Variants in MACROD2 observed in about 807,000 individuals in gnomAD.
MACROD2 encodes mono-ADP ribosylhydrolase 2, also known as ADP-ribose glycohydrolase MACROD2.
Under a neutral mutation model 70.4 loss-of-function variants are expected in MACROD2, and 36 were observed. That is an observed-to-expected ratio of 0.51 (90% CI 0.39 to 0.68). The LOEUF (loss-of-function observed/expected upper bound fraction) is 0.68, where lower values mean the gene tolerates loss of function less well. MACROD2 is among the 30% of genes least tolerant of loss of function. The pLI is 0.00. For synonymous variants in MACROD2, 172 were observed against 178.8 expected (o/e 0.96, Z 0.30); for missense variants, 496 against 538.4 (o/e 0.92, Z 0.78).
intron 17 of MACROD2, among the ~76,000 whole-genome samples, chr20:16,047,702 T>C (rs2067402608): frequency 6.6e-6 from 1 of 152,150 alleles, no homozygotes. Flanking sequence ...AGATGAACTG[T>C]CCTGCTCAGT....
At chr20:14,212,182 CA>C in intron 3 of MACROD2, among the ~76,000 whole-genome samples, 1 of 151,912 alleles carries the variant, frequency 6.6e-6, no homozygotes, top group Non-Finnish European at 1.5e-5. Context: ...TATTACTGTT[CA>C]AAAAATTATA....
At chr20:14,121,170 CAG>C (rs2054584347) in intron 3 of MACROD2, among the ~76,000 whole-genome samples, 1 of 152,074 alleles carries the variant, frequency 6.6e-6, no homozygotes, top group Admixed American at 6.6e-5. Flanking sequence ...ACGATTCTGT[CAG>C]GGGTGCATAG....
intron 8 of MACROD2, among the ~76,000 whole-genome samples, chr20:15,530,663 C>T (rs374354081): frequency 1.4e-5 from 2 of 143,150 alleles, no homozygotes; most frequent in Admixed American, 7.3e-5. Flanking sequence ...ACCCGGGAGC[C>T]GAGATTGCGC....
At chr20:15,675,745 A>T (rs2050048454) in intron 8 of MACROD2, among the ~76,000 whole-genome samples, 1 of 152,230 alleles carries the variant, frequency 6.6e-6, no homozygotes, top group African/African-American at 2.4e-5. Context: ...AATCAGCAGC[A>T]GCCTCAGAAG....
At chr20:14,810,310 A>C (rs1477880943) in intron 5 of MACROD2, among the ~76,000 whole-genome samples, 1 of 152,080 alleles carries the variant, frequency 6.6e-6, no homozygotes, top group Non-Finnish European at 1.5e-5. Flanking sequence ...AACGTAATCC[A>C]TCACATAAAC....
chr20:15,139,921 G>T (rs1411161650), intron 5 of MACROD2, among the ~76,000 whole-genome samples: 2 of 152,192 alleles, frequency 1.3e-5, no homozygotes, highest in Non-Finnish European at 2.9e-5. Context: ...CAGAGAGACT[G>T]CGATGCAGTT....
intron 6 of MACROD2, among the ~76,000 whole-genome samples, chr20:15,403,302 AAGG>A (rs768561397): frequency 3.4e-4 from 51 of 151,984 alleles, no homozygotes; most frequent in Non-Finnish European, 6.2e-4. Flanking sequence ...ATAAATTCAA[AAGG>A]AGAAGTGGTA....
At chr20:15,095,691 G>T (rs1364051984) in intron 5 of MACROD2, among the ~76,000 whole-genome samples, 2 of 151,584 alleles carry the variant, frequency 1.3e-5, no homozygotes, top group East Asian at 2.0e-4. Context: ...CTAATTTTTT[G>T]TATTTTTAGT....
chr20:15,835,257 T>A (rs1172452982), intron 8 of MACROD2, among the ~76,000 whole-genome samples: 1 of 62,032 alleles, frequency 1.6e-5, no homozygotes, highest in African/African-American at 7.7e-5. Flanking sequence ...ATAATAATTA[T>A]TAATTCAGTA....
chr20:15,790,360 T>C (rs1360001399), intron 8 of MACROD2, among the ~76,000 whole-genome samples: 1 of 151,958 alleles, frequency 6.6e-6, no homozygotes, highest in Non-Finnish European at 1.5e-5. Context: ...TCCCCGCCAT[T>C]AAAATTATTC....
At chr20:14,491,773 A>C (rs1325570857) in intron 3 of MACROD2, among the ~76,000 whole-genome samples, 1 of 152,206 alleles carries the variant, frequency 6.6e-6, no homozygotes, top group African/African-American at 2.4e-5. Flanking sequence ...GCTCCTATTT[A>C]TTATTGTTGT....
In MACROD2 at chr20:14,300,845, A is replaced by C. The variant is rs148114780; in HGVS notation, c.272-192634A>C. The stretch of plus-strand genomic sequence containing the variant: ...GGGGCAAGCAGAGGAAATAGTTGAA[A>C]GTTTGTAGTGAGCCATCATTGTCAC... On this transcript the variant is annotated intron_variant, in intron 3 of 17. Coordinates refer to ENST00000684519, the MANE Select transcript of MACROD2 (RefSeq NM_001351661.2). Among the ~76,000 whole-genome samples the C allele has an allele frequency of 3.2e-4, 47 of 147,178 alleles. No individual in the cohort carries two copies. The East Asian group carries it at 3.5e-3, about 11-fold the overall frequency.
intron 8 of MACROD2, among the ~76,000 whole-genome samples, chr20:15,821,009 CAT>C (rs1442047130): frequency 3.3e-5 from 5 of 152,174 alleles, no homozygotes; most frequent in Non-Finnish European, 7.3e-5. Context: ...CCTCTCCAGA[CAT>C]GTGTGCCATC....
rs144210649 is a variant in MACROD2 at position 14,824,955 on chromosome 20, G to A, written c.418+139996G>A. Among the ~76,000 whole-genome samples the A allele has an allele frequency of 9.2e-5, 14 of 152,072 alleles. 2 individuals carry two copies. The highest frequency in any genetic ancestry group is 2.1e-4 in the Non-Finnish European group (14 of 68,004). The stretch of plus-strand genomic sequence containing the variant: ...CCATTTTCCATTTAAGATAAATGAG[G>A]TTCAAAATGTTTTAAATGACCTGCA... On this transcript the variant is annotated intron_variant, in intron 5 of 17. Coordinates refer to ENST00000684519, the MANE Select transcript of MACROD2 (RefSeq NM_001351661.2).
At chr20:14,246,698 A>G (rs959637983) in intron 3 of MACROD2, among the ~76,000 whole-genome samples, 1 of 152,182 alleles carries the variant, frequency 6.6e-6, no homozygotes, top group East Asian at 1.9e-4. Flanking sequence ...TTACCAAACA[A>G]CAGGTTTATC....
chr20:14,881,160 T>G (rs1180500067), intron 5 of MACROD2, among the ~76,000 whole-genome samples: 1 of 151,906 alleles, frequency 6.6e-6, no homozygotes, highest in Non-Finnish European at 1.5e-5. Context: ...TATTAATTCC[T>G]GCTAGGCCCT....
At chr20:15,032,170 T>G (rs1352825483) in intron 5 of MACROD2, among the ~76,000 whole-genome samples, 1 of 152,182 alleles carries the variant, frequency 6.6e-6, no homozygotes, top group African/African-American at 2.4e-5. Context: ...GAGCAGGCAC[T>G]TCTAGCCTGC....
chr20:15,713,449 A>C (rs77377998), intron 8 of MACROD2, among the ~76,000 whole-genome samples: 1,932 of 152,330 alleles, frequency 0.013, 34 homozygotes, highest in African/African-American at 0.037. Context: ...AAGGCTATAC[A>C]GGCTTCTGCT....
chr20:14,029,395 C>T (rs2053220142), intron 2 of MACROD2, among the ~76,000 whole-genome samples: 1 of 152,134 alleles, frequency 6.6e-6, no homozygotes, highest in Non-Finnish European at 1.5e-5. Flanking sequence ...TTTCCTCCTT[C>T]CCCCATCATG....
Sources: allele counts gnomAD v4.1 joint callset (sites outside exome capture counted in the v4.1 genomes callset), GRCh38; gene constraint gnomAD v4.1.1; transcripts MANE v1.5; gene names NCBI Gene and HGNC (gene_info 2026-07-23, HGNC 2026-07-21).